The following MAML2 variants were observed in gnomAD, a reference collection of about 807,000 sequenced individuals.
MAML2 encodes the protein mastermind-like protein 2.
Under a neutral mutation model 96.1 loss-of-function variants are expected in MAML2, and 22 were observed. The ratio of observed to expected loss-of-function variants is 0.23; its 90% CI spans 0.16 to 0.33. MAML2 has a LOEUF of 0.33. Among genes scored for constraint, MAML2 ranks in the 10% least tolerant of loss-of-function variants. The probability of loss-of-function intolerance (pLI) is 1.00; values close to 1 mark genes in which losing one functional copy is unlikely to be tolerated. For synonymous variants in MAML2, 561 were observed against 521.3 expected (o/e 1.08, Z -1.04); for missense variants, 1,367 against 1,392.4 (o/e 0.98, Z 0.29).
chr11:96,089,553 C>A (rs1565210430), intron 2 of MAML2, among the ~76,000 whole-genome samples: 1 of 152,050 alleles, frequency 6.6e-6, no homozygotes, highest in South Asian at 2.1e-4. Context: ...AGAGACAATC[C>A]CCAGAGAAAA....
At position 96,341,513 on chromosome 11, in the gene MAML2, G is replaced by A. The variant is rs970760102; in HGVS notation, c.383C>T (p.Pro128Leu). Residue 128 changes from proline (P) to leucine (L), a missense_variant, in exon 1 of 5, where the codon CCA becomes CTA. Pro to Leu is a moderately conservative substitution (Grantham distance 98). Transcript: ENST00000524717. ...AAATAAPPPP[P>L]DYHHHHQQHL... ...CTGCTGGTGGTGATGGTGATAGTCTGGTGGGGGCGGTGGGGCTGCTGTTGC... is the reference window on the plus strand; with the variant it reads ...CTGCTGGTGGTGATGGTGATAGTCTAGTGGGGGCGGTGGGGCTGCTGTTGC... 5.2e-6 allele frequency: 8 copies of A among 1,551,608 alleles called. No homozygotes were observed. In the Admixed American group the frequency reaches 5.9e-5, roughly 11 times the overall value.
At chr11:96,252,641 G>A (rs989000778) in intron 1 of MAML2, among the ~76,000 whole-genome samples, 15 of 152,096 alleles carry the variant, frequency 9.9e-5, no homozygotes, top group Non-Finnish European at 2.9e-5. Flanking sequence ...GGCCAGGATG[G>A]TCTCAACATG....
rs1412290726 is a variant in MAML2, at chr11:96,342,726, C to G, written c.-831G>C. ...ATCACCGGTAAAATCCTCACTCCCT[C>G]TAAGGTTTCCTAGCCTTAAATGAAA... On this transcript the variant is annotated 5_prime_UTR_variant, in exon 1 of 5. Transcript: ENST00000524717. The G allele has an allele frequency of 3.0e-6, 1 of 328,032 alleles. No individual in the cohort carries two copies. Among genetic ancestry groups the G allele is most frequent in the Non-Finnish European group, 5.5e-6 (1 of 182,152 alleles). 20.3% of individuals were successfully genotyped at this position (328,032 alleles called of 1,614,324 possible).
chr11:96,285,357 C>A (rs764120624), intron 1 of MAML2, among the ~76,000 whole-genome samples: 5 of 151,970 alleles, frequency 3.3e-5, no homozygotes, highest in African/African-American at 4.8e-5. Context: ...TGTAAAATCC[C>A]AAACTTTAAA....
At chr11:96,159,334 TTTG>T (rs1456121417) in intron 1 of MAML2, among the ~76,000 whole-genome samples, 1 of 151,900 alleles carries the variant, frequency 6.6e-6, no homozygotes, top group Non-Finnish European at 1.5e-5. Flanking sequence ...TCCAGGCGGA[TTTG>T]TTGTCAGTCC....
intron 1 of MAML2, among the ~76,000 whole-genome samples, chr11:96,333,552 C>T (rs971805811): frequency 1.3e-5 from 2 of 152,172 alleles, no homozygotes; most frequent in Admixed American, 6.5e-5. Flanking sequence ...ACATCTTCCT[C>T]ATGTTTTTTA....
At chr11:96,225,787 T>C (rs906885023) in intron 1 of MAML2, among the ~76,000 whole-genome samples, 2 of 151,562 alleles carry the variant, frequency 1.3e-5, no homozygotes, top group African/African-American at 4.9e-5. Context: ...GAGCCAAAAA[T>C]GGGCCACTGT....
At chr11:96,294,549 G>A (rs143327877) in intron 1 of MAML2, among the ~76,000 whole-genome samples, 1 of 152,284 alleles carries the variant, frequency 6.6e-6, no homozygotes, top group East Asian at 1.9e-4. Flanking sequence ...AAGTTCCAAA[G>A]GAAAGAGACA....
chr11:95,992,398 T>C (rs1343315047), intron 2 of MAML2, among the ~76,000 whole-genome samples: 9 of 152,196 alleles, frequency 5.9e-5, no homozygotes, highest in Admixed American at 5.2e-4. Context: ...GTATATCAAA[T>C]AATATTGGGT....
At chr11:96,112,003 A>G (rs79243401) in intron 1 of MAML2, among the ~76,000 whole-genome samples, 48 of 152,186 alleles carry the variant, frequency 3.2e-4, no homozygotes, top group African/African-American at 1.2e-3. Context: ...CAGGGCCCCT[A>G]CTTGAGTACT....
chr11:96,282,445 T>C (rs1863085319), intron 1 of MAML2, among the ~76,000 whole-genome samples: 1 of 152,110 alleles, frequency 6.6e-6, no homozygotes. Context: ...AGCTACTGAG[T>C]AGAACAAAGT....
chr11:96,066,365 T>C (rs1420231315), intron 2 of MAML2, among the ~76,000 whole-genome samples: 1 of 152,204 alleles, frequency 6.6e-6, no homozygotes, highest in African/African-American at 2.4e-5. Flanking sequence ...CAGAAGCTCC[T>C]GAAGCGGGAG....
At position 95,979,473 on chromosome 11, in the gene MAML2, T is replaced by C. The variant is rs1243794853; in HGVS notation, c.2946A>G (p.Ala982=). 5 of 1,613,486 alleles carry C rather than the reference T, an allele frequency of 3.1e-6. No homozygotes were observed. Among genetic ancestry groups the C allele is most frequent in the Non-Finnish European group, 4.2e-6 (5 of 1,179,738 alleles). The change falls in exon 5 of 5, where the codon GCA becomes GCG. Residue 982 remains alanine, a synonymous_variant. Coordinates refer to ENST00000524717, the MANE Select transcript of MAML2 (RefSeq NM_032427.4). The part of the protein sequence containing the change: ...TSKQQEALTS[A]GVRFPTGTPA... ...GTGTACCTGTGGGGAAGCGGACTCC[T>C]GCAGACGTCAGGGCTTCTTGCTGTT...
chr11:96,126,811 G>T (rs914062486), intron 1 of MAML2, among the ~76,000 whole-genome samples: 1 of 152,128 alleles, frequency 6.6e-6, no homozygotes, highest in Non-Finnish European at 1.5e-5. Flanking sequence ...GTTCTCATGC[G>T]CTGGACACCT....
chr11:96,326,766 G>GTAAA (rs368014331), intron 1 of MAML2, among the ~76,000 whole-genome samples: 45 of 151,384 alleles, frequency 3.0e-4, no homozygotes, highest in South Asian at 1.7e-3. Flanking sequence ...GTCTGTCAAA[G>GTAAA]TAAATAAATA....
intron 1 of MAML2, among the ~76,000 whole-genome samples, chr11:96,172,091 T>A (rs539045051): frequency 6.6e-6 from 1 of 152,362 alleles, no homozygotes; most frequent in South Asian, 2.1e-4. Context: ...CTGATAAATA[T>A]GGCTGGAATT....
At chr11:96,121,779 G>GTTTTTTTTTTTTTTTTTTTTTTTTTTT (rs1405872923) in intron 1 of MAML2, among the ~76,000 whole-genome samples, 2 of 40,814 alleles carry the variant, frequency 4.9e-5, no homozygotes, top group South Asian at 8.4e-4. Flanking sequence ...CCAACTGCGT[G>GTTTTTTTTTTTTTTTTTTTTTTTTTTT]ATTTTTTTTT....
intron 1 of MAML2, among the ~76,000 whole-genome samples, chr11:96,151,279 C>T (rs1180973349): frequency 4.6e-5 from 7 of 152,186 alleles, no homozygotes; most frequent in African/African-American, 1.7e-4. Context: ...AGCTAAAATG[C>T]AGCGTCTTTC....
intron 1 of MAML2, among the ~76,000 whole-genome samples, chr11:96,111,406 G>A (rs367889331): frequency 1.3e-5 from 2 of 152,034 alleles, no homozygotes; most frequent in Non-Finnish European, 1.5e-5. Flanking sequence ...ATCTTTGCGC[G>A]CAGCTGGTCT....
Sources: gnomAD v4.1 joint callset for allele counts (sites outside exome capture counted in the v4.1 genomes callset) on GRCh38, gnomAD v4.1.1 for gene constraint, MANE v1.5 for transcripts, NCBI Gene and HGNC (gene_info 2026-07-23, HGNC 2026-07-21) for gene names.